WNT8B: variants seen among roughly 807,000 people sequenced by gnomAD.
The protein encoded by WNT8B is protein Wnt-8b.
WNT8B carries 24 observed loss-of-function variants against 36.6 expected under a neutral mutation model. The ratio of observed to expected loss-of-function variants is 0.66; its 90% CI spans 0.48 to 0.92. WNT8B has a LOEUF of 0.92. WNT8B is among the 40% of genes least tolerant of loss of function. WNT8B has a pLI of 0.00. For synonymous variants in WNT8B, 199 were observed against 189.8 expected (o/e 1.05, Z -0.40); for missense variants, 402 against 470.8 (o/e 0.85, Z 1.35).
intron 3 of WNT8B, among the ~76,000 whole-genome samples, chr10:100,480,625 A>C (rs1223615886): frequency 6.6e-6 from 1 of 152,134 alleles, no homozygotes; most frequent in African/African-American, 2.4e-5. Context: ...ACTTGGTCAT[A>C]AAATGTGTGA....
At chr10:100,473,248 A>G (rs952532625) in intron 1 of WNT8B, among the ~76,000 whole-genome samples, 2 of 152,234 alleles carry the variant, frequency 1.3e-5, no homozygotes, top group Non-Finnish European at 2.9e-5. Flanking sequence ...TTATTCAAGA[A>G]TAAGTGAGAT....
intron 3 of WNT8B, 141 bp from the exon 4 acceptor site, chr10:100,480,857 A>G: frequency 9.4e-7 from 1 of 1,068,762 alleles, no homozygotes; most frequent in African/African-American, 1.6e-5. Flanking sequence ...ATAAAAGTTA[A>G]AAAATAATAA....
chr10:100,479,041 T>G lies in WNT8B; in HGVS notation c.69-11T>G. 6.3e-7 allele frequency: 1 copy of G among 1,589,940 alleles called. No homozygotes were observed. Among genetic ancestry groups the G allele is most frequent in the Non-Finnish European group, 8.5e-7 (1 of 1,174,612 alleles). On this transcript the variant is annotated splice_polypyrimidine_tract_variant and intron_variant, in intron 1 of 5. Coordinates refer to ENST00000343737, the MANE Select transcript of WNT8B (RefSeq NM_003393.4). The stretch of plus-strand genomic sequence containing the variant: ...ATTATATTCTGTTTTTGTTTTTTTT[T>G]TCCCTTATAGGTCGGTGAACAATTT...
Position 100,482,061 on chromosome 10 carries a change from C to T in WNT8B, c.510+7C>T. 2 of 1,614,050 alleles carry T rather than the reference C, an allele frequency of 1.2e-6. No homozygotes were observed. The highest frequency in any genetic ancestry group is 2.7e-5 in the African/African-American group (2 of 75,050). The stretch of plus-strand genomic sequence containing the variant: ...CAACGAGGCTGGCCGCAAGGTGAGT[C>T]CCGCAGCCCTTGGAAATAGGCAGCT... On this transcript the variant is annotated splice_region_variant and intron_variant, in intron 5 of 5. Coordinates refer to ENST00000343737, the MANE Select transcript of WNT8B (RefSeq NM_003393.4). The surrounding 1 kb of genome is among the most constrained non-coding windows in gnomAD (Gnocchi z 6.6).
intron 1 of WNT8B, among the ~76,000 whole-genome samples, chr10:100,465,757 C>A (rs1349248119): frequency 6.6e-6 from 1 of 152,170 alleles, no homozygotes; most frequent in Non-Finnish European, 1.5e-5. Context: ...GATTTTATGG[C>A]AGCTTTTGAA....
chr10:100,463,046 A>G lies in WNT8B; in HGVS notation c.-123A>G. The G allele has an allele frequency of 2.4e-6, 2 of 848,524 alleles. No homozygotes were observed. Among genetic ancestry groups the G allele is most frequent in the Non-Finnish European group, 3.8e-6 (2 of 527,946 alleles). The allele number at this position is 848,524 out of a possible 1,614,324, so 52.6% of individuals were successfully genotyped here. On this transcript the variant is annotated 5_prime_UTR_variant, in exon 1 of 6. Coordinates refer to ENST00000343737, the MANE Select transcript of WNT8B (RefSeq NM_003393.4). ...CCCTTAACTCTGTTTGGGATCGCTTACACACCAAGGAAGTTGGGCTTTGAG... is the reference window on the plus strand; with the variant it reads ...CCCTTAACTCTGTTTGGGATCGCTTGCACACCAAGGAAGTTGGGCTTTGAG...
chr10:100,471,158 G>A (rs1315648335), intron 1 of WNT8B, among the ~76,000 whole-genome samples: 1 of 152,228 alleles, frequency 6.6e-6, no homozygotes, highest in African/African-American at 2.4e-5. Context: ...CTACCATATA[G>A]CATGGGTGTA....
intron 2 of WNT8B, among the ~76,000 whole-genome samples, 165 bp from the exon 3 acceptor site, chr10:100,479,709 G>A (rs1421504135): frequency 6.6e-6 from 1 of 152,092 alleles, no homozygotes; most frequent in Non-Finnish European, 1.5e-5. Flanking sequence ...ATAATATAGT[G>A]CCTATTTCAC....
chr10:100,477,948 T>C (rs1231909078), intron 1 of WNT8B, among the ~76,000 whole-genome samples: 1 of 151,422 alleles, frequency 6.6e-6, no homozygotes, highest in Non-Finnish European at 1.5e-5. Context: ...AGCTATTTTT[T>C]TTTTTTTTTT....
At chr10:100,464,025 C>T (rs1162070215) in intron 1 of WNT8B, among the ~76,000 whole-genome samples, 3 of 152,160 alleles carry the variant, frequency 2.0e-5, no homozygotes, top group African/African-American at 4.8e-5. Flanking sequence ...CTAGGGTGTT[C>T]GGAGTTTCTC....
chr10:100,474,135 G>C (rs1375546429), intron 1 of WNT8B, among the ~76,000 whole-genome samples: 1 of 152,154 alleles, frequency 6.6e-6, no homozygotes, highest in African/African-American at 2.4e-5. Context: ...TGCAAGTCTA[G>C]AGTTCAAGCA....
chr10:100,474,468 T>G (rs924786193), intron 1 of WNT8B, among the ~76,000 whole-genome samples: 4 of 151,040 alleles, frequency 2.6e-5, no homozygotes, highest in African/African-American at 9.8e-5. Context: ...ATACTCACTA[T>G]GTTTTCTGCA....
chr10:100,481,021 C>T lies in WNT8B; in HGVS notation c.265C>T (p.His89Tyr), dbSNP rs764091599. 2.5e-6 allele frequency: 4 copies of T among 1,613,960 alleles called. No individual in the cohort carries two copies. The change falls in exon 4 of 6, where the codon CAT becomes TAT. Residue 89 changes from histidine to tyrosine, a missense_variant. His to Tyr is a moderately conservative substitution (Grantham distance 83). Transcript: ENST00000343737. ...AGCCAATCGGGAGACAGCATTTGTG[C>T]ATGCCATCAGTTCTGCTGGAGTCAT... ...RSANRETAFV[H>Y]AISSAGVMYT...
intron 1 of WNT8B, among the ~76,000 whole-genome samples, chr10:100,464,285 T>C (rs752892520): frequency 6.6e-6 from 1 of 152,136 alleles, no homozygotes; most frequent in East Asian, 1.9e-4. Flanking sequence ...ATACAATAAT[T>C]TGCAACATTT....
At chr10:100,466,601 C>T (rs186195581) in intron 1 of WNT8B, among the ~76,000 whole-genome samples, 2 of 152,190 alleles carry the variant, frequency 1.3e-5, no homozygotes, top group East Asian at 3.9e-4. Context: ...CTCTAAGATG[C>T]ATCTTTGTTT....
chr10:100,471,014 ATTACAGGCGTGAGCCACCAT>A (rs1456568302), intron 1 of WNT8B, among the ~76,000 whole-genome samples: 1 of 152,216 alleles, frequency 6.6e-6, no homozygotes, highest in Non-Finnish European at 1.5e-5. Context: ...AAGTGCTGGG[ATTACAGGCGTGAGCCACCAT>A]GCCAGGCCTA....
chr10:100,465,596 G>C (rs1850900005), intron 1 of WNT8B, among the ~76,000 whole-genome samples: 2 of 152,168 alleles, frequency 1.3e-5, no homozygotes, highest in African/African-American at 4.8e-5. Flanking sequence ...AAATCAGAAG[G>C]ATGCCCTGGG....
At chr10:100,467,652 G>A (rs11190569) in intron 1 of WNT8B, among the ~76,000 whole-genome samples, 33,274 of 152,100 alleles carry the variant, frequency 0.22, 3,732 homozygotes, top group African/African-American at 0.23. Flanking sequence ...GATTGTCCAC[G>A]TTATCCTGTC....
intron 2 of WNT8B, 79 bp downstream of exon 2, chr10:100,479,164 C>A: frequency 1.5e-6 from 2 of 1,329,622 alleles, no homozygotes; most frequent in South Asian, 1.3e-5. Context: ...GCAGATTTTT[C>A]ATTATATCCA....
Sources: gnomAD v4.1 joint callset for allele counts (sites outside exome capture counted in the v4.1 genomes callset) on GRCh38, gnomAD v4.1.1 for gene constraint, Gnocchi (gnomAD v3.1) non-coding constraint, MANE v1.5 for transcripts, NCBI Gene and HGNC (gene_info 2026-07-23, HGNC 2026-07-21) for gene names.